LRRK1: variants seen among roughly 807,000 people sequenced by gnomAD.
The protein encoded by LRRK1 is leucine rich repeat kinase 1.
LRRK1 carries 113 observed loss-of-function variants against 209.1 expected under a neutral mutation model. The observed-to-expected ratio is 0.54, with a 90% CI of 0.46 to 0.63. The LOEUF (loss-of-function observed/expected upper bound fraction) is 0.63, where lower values mean the gene tolerates loss of function less well. Among genes scored for constraint, LRRK1 ranks in the 30% least tolerant of loss-of-function variants. The pLI, the probability that LRRK1 is intolerant of heterozygous loss-of-function variation, is 0.00. For synonymous variants in LRRK1, 1,144 were observed against 1,099.7 expected (o/e 1.04, Z -0.80); for missense variants, 2,284 against 2,632.2 (o/e 0.87, Z 2.89).
chr15:101,009,312 T>C (rs1171642301), intron 7 of LRRK1, among the ~76,000 whole-genome samples: 1 of 152,234 alleles, frequency 6.6e-6, no homozygotes, highest in East Asian at 1.9e-4. Context: ...CCTGAGATGC[T>C]TGTCTTGGTC....
chr15:100,979,186 T>C (rs1177130721), intron 3 of LRRK1, among the ~76,000 whole-genome samples: 1 of 152,128 alleles, frequency 6.6e-6, no homozygotes, highest in Non-Finnish European at 1.5e-5. Flanking sequence ...CAAAATTCAA[T>C]ACCATGTTTT....
intron 2 of LRRK1, among the ~76,000 whole-genome samples, chr15:100,931,351 G>A (rs907693704): frequency 3.9e-5 from 6 of 152,172 alleles, no homozygotes; most frequent in Non-Finnish European, 8.8e-5. Context: ...CAGGAGAACC[G>A]AGAACAAAAA....
chr15:101,052,023 A>G, intron 24 of LRRK1, 63 bp downstream of exon 24: 1 of 1,558,082 alleles, frequency 6.4e-7, no homozygotes, highest in South Asian at 1.2e-5. Flanking sequence ...CTCGCTGTGC[A>G]GTTGCCGAGT....
chr15:101,048,604 G>A lies in LRRK1; in HGVS notation c.3246G>A (p.Gln1082=). The A allele has an allele frequency of 6.4e-7, 1 of 1,565,466 alleles. No individual in the cohort carries two copies. Among genetic ancestry groups the A allele is most frequent in the Non-Finnish European group, 8.6e-7 (1 of 1,162,106 alleles). Residue 1082 remains glutamine, a synonymous_variant, in exon 22 of 34, where the codon CAG becomes CAA. Transcript: ENST00000388948. Reference sequence around the variant, plus strand: ...GCACATTCAGAGTGAAAAGAAATCAGACCATCTATTGGCAGGAAGGGCTCC... The same window carrying A: ...GCACATTCAGAGTGAAAAGAAATCAAACCATCTATTGGCAGGAAGGGCTCC... The part of the protein sequence containing the change: ...RCSTFRVKRN[Q]TIYWQEGLLV...
At chr15:100,996,972 C>T (rs1194452858) in intron 6 of LRRK1, among the ~76,000 whole-genome samples, 1 of 152,080 alleles carries the variant, frequency 6.6e-6, no homozygotes, top group Non-Finnish European at 1.5e-5. Flanking sequence ...TGGAGTTCAG[C>T]ACAGAGATTT....
intron 2 of LRRK1, among the ~76,000 whole-genome samples, chr15:100,949,858 C>T (rs1339667932): frequency 6.6e-6 from 1 of 152,056 alleles, no homozygotes; most frequent in African/African-American, 2.4e-5. Flanking sequence ...AAGGAAACTT[C>T]CTCAATCTGA....
intron 20 of LRRK1, among the ~76,000 whole-genome samples, chr15:101,037,219 T>G (rs2034526228): frequency 6.6e-6 from 1 of 152,158 alleles, no homozygotes; most frequent in Admixed American, 6.5e-5. Context: ...TCCTGAGCAG[T>G]GCATGCTGGT....
chr15:100,953,798 A>G (rs2042702511), intron 2 of LRRK1, among the ~76,000 whole-genome samples: 1 of 152,282 alleles, frequency 6.6e-6, no homozygotes. Context: ...ATTCCCAGCA[A>G]CACTGTATGA....
chr15:101,053,268 TCTC>T lies in LRRK1; in HGVS notation c.3904_3906del (p.Ser1302del), dbSNP rs1238865441. ...CGGGCCACCGATGCCATGAAGAACT[TCTC>T]CGAGTTCCGGCAGGAGGCCAGCATG... On this transcript the variant is annotated inframe_deletion, in exon 26 of 34. Transcript: ENST00000388948. The T allele has an allele frequency of 1.9e-6, 3 of 1,606,774 alleles. No homozygotes were observed. The highest frequency in any genetic ancestry group is 3.3e-5 in the Admixed American group (2 of 60,012).
chr15:101,012,058 G>A lies in LRRK1; in HGVS notation c.1332G>A (p.Met444Ile). The A allele has an allele frequency of 6.2e-7, 1 of 1,611,734 alleles. No homozygotes were observed. The highest frequency in any genetic ancestry group is 8.5e-7 in the Non-Finnish European group (1 of 1,178,532). ...RNALECLPDK[M>I]AVFWKNHLKD... ...CCCTGGAATGTCTGCCAGACAAAAT[G>A]GCTGTCTTTTGGAAAAATCACCTGA... The change falls in exon 10 of 34, where the codon ATG becomes ATA. Residue 444 changes from methionine to isoleucine, a missense_variant. Physicochemically the swap from Met to Ile is conservative, Grantham distance 10. Around this residue, in one of 6 missense-constraint regions of LRRK1, gnomAD observed 494 missense variants for 522.1 expected, o/e 0.95. Coordinates refer to ENST00000388948, the MANE Select transcript of LRRK1 (RefSeq NM_024652.6).
intron 3 of LRRK1, among the ~76,000 whole-genome samples, 189 bp from the exon 4 acceptor site, chr15:100,983,339 T>C (rs2031702963): frequency 6.6e-6 from 1 of 152,250 alleles, no homozygotes; most frequent in African/African-American, 2.4e-5. Context: ...CGTGTGATTT[T>C]ATACTCTCCA....
At chr15:100,988,465 A>G in intron 4 of LRRK1, 169 bp from the exon 5 acceptor site, 1 of 693,602 alleles carries the variant, frequency 1.4e-6, no homozygotes, top group Non-Finnish European at 2.5e-6. Context: ...ATGATGCTGC[A>G]AAGTACATGA....
chr15:100,942,501 C>T (rs753733232), intron 2 of LRRK1, among the ~76,000 whole-genome samples: 8 of 152,230 alleles, frequency 5.3e-5, no homozygotes, highest in Non-Finnish European at 1.0e-4. Flanking sequence ...CTAGAGAAGG[C>T]ATGGCTCACA....
intron 6 of LRRK1, chr15:100,989,629 C>A (rs369476682): frequency 1.9e-5 from 11 of 582,964 alleles, no homozygotes; most frequent in African/African-American, 1.9e-4. Flanking sequence ...ACTTTTATAA[C>A]AACCCACCCT....
At chr15:100,941,367 C>T (rs1420539339) in intron 2 of LRRK1, among the ~76,000 whole-genome samples, 2,766 of 21,496 alleles carry the variant, frequency 0.13, 305 homozygotes, top group African/African-American at 0.31. Context: ...TGTGTGTGTG[C>T]CTGTATGTGT....
intron 15 of LRRK1, among the ~76,000 whole-genome samples, chr15:101,023,021 G>T (rs1047489153): frequency 1.2e-4 from 19 of 152,066 alleles, no homozygotes; most frequent in Non-Finnish European, 1.6e-4. Flanking sequence ...TCACCTCACT[G>T]CTCTCTGACC....
intron 2 of LRRK1, among the ~76,000 whole-genome samples, chr15:100,958,622 G>A (rs1421642984): frequency 6.6e-6 from 1 of 152,044 alleles, no homozygotes; most frequent in Non-Finnish European, 1.5e-5. Context: ...TTCAGAGAGG[G>A]GCCAAATTTC....
chr15:100,967,923 T>A (rs1189743364), intron 2 of LRRK1, among the ~76,000 whole-genome samples: 1 of 152,214 alleles, frequency 6.6e-6, no homozygotes, highest in East Asian at 1.9e-4. Context: ...TAAAGTAAGA[T>A]GCACATATCT....
intron 29 of LRRK1, among the ~76,000 whole-genome samples, chr15:101,059,021 T>G (rs753006202): frequency 1.3e-5 from 2 of 152,180 alleles, no homozygotes; most frequent in Non-Finnish European, 2.9e-5. Flanking sequence ...TCAGTCTTTG[T>G]GAGTTTGCGT....
Sources: gnomAD v4.1 joint callset for allele counts (sites outside exome capture counted in the v4.1 genomes callset) on GRCh38, gnomAD v4.1.1 for gene constraint, gnomAD v4.1.1 regional missense constraint, MANE v1.5 for transcripts, NCBI Gene and HGNC (gene_info 2026-07-23, HGNC 2026-07-21) for gene names.